NELL1: variants seen among roughly 807,000 people sequenced by gnomAD.
NELL1 encodes the protein protein kinase C-binding protein NELL1.
A neutral mutation model predicts 107.4 loss-of-function variants in NELL1; 76 were observed. That is an observed-to-expected ratio of 0.71 (90% confidence interval 0.59 to 0.86). The LOEUF is 0.86. Among genes scored for constraint, NELL1 ranks in the 40% least tolerant of loss-of-function variants. The pLI, the probability that NELL1 is intolerant of heterozygous loss-of-function variation, is 0.00. For missense variants in NELL1, 1,024 were observed against 1,005.5 expected (o/e 1.02, Z -0.25); for synonymous variants, 353 against 341.2 (o/e 1.03, Z -0.38).
chr11:21,331,295 T>C (rs1169935607), intron 14 of NELL1, among the ~76,000 whole-genome samples: 1 of 152,090 alleles, frequency 6.6e-6, no homozygotes, highest in Non-Finnish European at 1.5e-5. Context: ...TTCCCTTTTT[T>C]TTAGAACAGT....
chr11:21,163,694 G>C (rs1202886114), intron 13 of NELL1, among the ~76,000 whole-genome samples: 1 of 152,070 alleles, frequency 6.6e-6, no homozygotes, highest in Non-Finnish European at 1.5e-5. Flanking sequence ...AGCAGATTTG[G>C]TTTCTGATGA....
At chr11:21,457,776 A>G (rs904384630) in intron 15 of NELL1, among the ~76,000 whole-genome samples, 1 of 152,208 alleles carries the variant, frequency 6.6e-6, no homozygotes, top group African/African-American at 2.4e-5. Flanking sequence ...AGAAGGAATA[A>G]AAGATGGAAT....
chr11:21,355,597 T>C (rs1850914760), intron 14 of NELL1, among the ~76,000 whole-genome samples: 1 of 152,188 alleles, frequency 6.6e-6, no homozygotes, highest in Admixed American at 6.6e-5. Context: ...AGCCAAAGGC[T>C]GTATGGAAGA....
chr11:21,074,588 T>C (rs1854089992), intron 12 of NELL1, among the ~76,000 whole-genome samples: 1 of 152,120 alleles, frequency 6.6e-6, no homozygotes, highest in South Asian at 2.1e-4. Context: ...CTCTCTAGAA[T>C]CATTTGTGAT....
At chr11:21,043,770 G>T (rs1452387832) in intron 12 of NELL1, among the ~76,000 whole-genome samples, 1 of 152,102 alleles carries the variant, frequency 6.6e-6, no homozygotes, top group Non-Finnish European at 1.5e-5. Context: ...GAAGTTAAAT[G>T]CATGGTACTC....
chr11:21,119,976 T>A (rs778728232), intron 13 of NELL1, among the ~76,000 whole-genome samples: 4 of 152,236 alleles, frequency 2.6e-5, no homozygotes, highest in Non-Finnish European at 5.9e-5. Flanking sequence ...CAGTAACGGG[T>A]AGGCATTCAT....
chr11:20,952,712 TAGTG>T (rs1851093339), intron 11 of NELL1, among the ~76,000 whole-genome samples: 1 of 152,156 alleles, frequency 6.6e-6, no homozygotes, highest in Non-Finnish European at 1.5e-5. Flanking sequence ...AGGATAGTCT[TAGTG>T]AGTAAATGAA....
chr11:21,121,720 C>T (rs1195712713), intron 13 of NELL1, among the ~76,000 whole-genome samples: 1 of 152,120 alleles, frequency 6.6e-6, no homozygotes, highest in Non-Finnish European at 1.5e-5. Context: ...CTTGCACAAA[C>T]ACTTTTGTGA....
At chr11:21,359,350 T>A (rs1291124672) in intron 14 of NELL1, among the ~76,000 whole-genome samples, 2 of 152,212 alleles carry the variant, frequency 1.3e-5, no homozygotes, top group Non-Finnish European at 2.9e-5. Flanking sequence ...TGGTGTATTA[T>A]CTTTTTGATA....
At chr11:21,121,715 A>G in intron 13 of NELL1, among the ~76,000 whole-genome samples, 1 of 152,168 alleles carries the variant, frequency 6.6e-6, no homozygotes, top group East Asian at 1.9e-4. Flanking sequence ...CATCACTTGC[A>G]CAAACACTTT....
chr11:20,850,377 A>G (rs939837802), intron 4 of NELL1, among the ~76,000 whole-genome samples: 6 of 152,226 alleles, frequency 3.9e-5, no homozygotes, highest in Non-Finnish European at 7.3e-5. Flanking sequence ...TGATTAGAGT[A>G]TGAAAGGAGA....
At chr11:21,351,086 A>G (rs1182065154) in intron 14 of NELL1, among the ~76,000 whole-genome samples, 1 of 152,096 alleles carries the variant, frequency 6.6e-6, no homozygotes, top group Non-Finnish European at 1.5e-5. Flanking sequence ...GACACAGAGC[A>G]CCTAGAGGAA....
chr11:21,193,876 A>G lies in NELL1; in HGVS notation c.1427-35456A>G, dbSNP rs993329706. 4.6e-5 allele frequency among the ~76,000 whole-genome samples: 7 copies of G among 151,838 alleles called. 1 individual carries two copies. The highest frequency in any genetic ancestry group is 2.0e-4 in the Admixed American group (3 of 15,250). ...ACTTTGATGGAGAAAATATTTCACAATGTTTACACTTGAAATTCTTATCTT... is the reference window on the plus strand; with the variant it reads ...ACTTTGATGGAGAAAATATTTCACAGTGTTTACACTTGAAATTCTTATCTT... On this transcript the variant is annotated intron_variant, in intron 13 of 19. Coordinates refer to ENST00000357134, the MANE Select transcript of NELL1 (RefSeq NM_006157.5).
intron 10 of NELL1, among the ~76,000 whole-genome samples, chr11:20,941,333 G>A (rs1391436872): frequency 6.6e-6 from 1 of 152,160 alleles, no homozygotes; most frequent in Non-Finnish European, 1.5e-5. Flanking sequence ...GGATAAGAGG[G>A]TGAGTCTAAT....
intron 13 of NELL1, among the ~76,000 whole-genome samples, chr11:21,211,938 G>T (rs1385194359): frequency 2.6e-5 from 4 of 152,048 alleles, no homozygotes; most frequent in Non-Finnish European, 5.9e-5. Context: ...TGATTCTCGT[G>T]CCTCAGCTTC....
chr11:20,874,471 A>T (rs1849265704), intron 4 of NELL1, among the ~76,000 whole-genome samples: 1 of 152,228 alleles, frequency 6.6e-6, no homozygotes, highest in Non-Finnish European at 1.5e-5. Context: ...ACTGAATAGT[A>T]TTTAGTCGAG....
chr11:21,538,327 A>C (rs1856193386), intron 16 of NELL1, among the ~76,000 whole-genome samples: 1 of 152,138 alleles, frequency 6.6e-6, no homozygotes, highest in African/African-American at 2.4e-5. Flanking sequence ...TGATATCATA[A>C]AGAACAGCAT....
intron 12 of NELL1, among the ~76,000 whole-genome samples, chr11:20,976,857 G>T (rs1465747543): frequency 6.6e-6 from 1 of 151,834 alleles, no homozygotes; most frequent in Non-Finnish European, 1.5e-5. Flanking sequence ...TTTTTTTATG[G>T]TAACTGTAGT....
rs115876492 is a variant in NELL1, at chr11:20,731,565, A to G, written c.185-52115A>G. 2.1e-3 allele frequency among the ~76,000 whole-genome samples: 321 copies of G among 152,342 alleles called. 2 individuals are homozygous for G. The highest frequency in any genetic ancestry group is 7.4e-3 in the African/African-American group (306 of 41,586). ...TCAATACCCATGTGTCTGCATGGGC[A>G]TGAGTGTGGGGATGTGCCTGAGTAT... On this transcript the variant is annotated intron_variant, in intron 2 of 19. Coordinates refer to ENST00000357134, the MANE Select transcript of NELL1 (RefSeq NM_006157.5).
Sources: allele counts gnomAD v4.1 joint callset (sites outside exome capture counted in the v4.1 genomes callset), GRCh38; gene constraint gnomAD v4.1.1; transcripts MANE v1.5; gene names NCBI Gene and HGNC (gene_info 2026-07-23, HGNC 2026-07-21).